FAM178B: variants seen among roughly 807,000 people sequenced by gnomAD.
FAM178B encodes the protein protein FAM178B.
FAM178B carries 82 observed loss-of-function variants against 91.7 expected under a neutral mutation model. The observed-to-expected ratio is 0.89, with a 90% CI of 0.75 to 1.07. The LOEUF (loss-of-function observed/expected upper bound fraction) is 1.07, where lower values mean the gene tolerates loss of function less well. FAM178B is among the 50% of genes least tolerant of loss of function. FAM178B has a pLI of 0.00. For synonymous variants in FAM178B, 368 were observed against 359.4 expected, an observed-to-expected ratio of 1.02 and a Z score of -0.27; for missense variants, 769 against 846.7, an observed-to-expected ratio of 0.91 and a Z score of 1.14.
At chr2:96,910,259 G>A (rs1276974021) in intron 12 of FAM178B, among the ~76,000 whole-genome samples, 7 of 151,954 alleles carry the variant, frequency 4.6e-5, no homozygotes, top group South Asian at 4.2e-4. Flanking sequence ...GAAGCCCTCC[G>A]CCTCCAAAAG....
chr2:96,903,285 C>T (rs2080969584), intron 12 of FAM178B, among the ~76,000 whole-genome samples: 1 of 152,224 alleles, frequency 6.6e-6, no homozygotes, highest in Non-Finnish European at 1.5e-5. Flanking sequence ...GTGATCCGCT[C>T]GCTTCAGCCT....
chr2:96,944,111 C>G (rs1183778760), intron 8 of FAM178B, among the ~76,000 whole-genome samples: 1 of 151,948 alleles, frequency 6.6e-6, no homozygotes, highest in Non-Finnish European at 1.5e-5. Context: ...GGTGTGGTAG[C>G]GGTGCCTGTA....
intron 14 of FAM178B, among the ~76,000 whole-genome samples, chr2:96,879,209 G>A (rs2080318805): frequency 1.3e-5 from 2 of 152,208 alleles, no homozygotes; most frequent in Non-Finnish European, 1.5e-5. Context: ...ATTCCCAACT[G>A]CTGCCCGCAG....
intron 12 of FAM178B, among the ~76,000 whole-genome samples, chr2:96,916,374 G>A (rs962324841): frequency 2.6e-5 from 4 of 152,204 alleles, no homozygotes; most frequent in African/African-American, 4.8e-5. Context: ...GCCGTTTTAC[G>A]CAGGCTTTGT....
chr2:96,960,432 A>C lies in FAM178B; in HGVS notation c.743T>G (p.Val248Gly), dbSNP rs772596939. 6 of 1,542,556 alleles carry C rather than the reference A, an allele frequency of 3.9e-6. No homozygotes were observed. In the Middle Eastern group the frequency reaches 5.0e-4, roughly 130 times the overall value. ...CTGCAGGGACACTGAGTACTTTTCC[A>C]CCAGCATCCTGGCAAGGCAAGGGGC... is the stretch of plus-strand genomic sequence containing the variant. Reference protein sequence around the residue: ...VPLTPEHRMLVEKYSVSLQTI... With the variant: ...VPLTPEHRMLGEKYSVSLQTI... Residue 248 changes from valine to glycine, a missense_variant, in exon 6 of 17, where the codon GTG becomes GGG. Physicochemically the swap from Val to Gly is moderately radical, Grantham distance 109. Transcript: ENST00000490605.
chr2:96,946,481 GCCAGT>G lies in FAM178B; in HGVS notation c.1078+1332_1078+1336del, dbSNP rs535924583. On this transcript the variant is annotated intron_variant, in intron 8 of 16. Coordinates refer to ENST00000490605, the MANE Select transcript of FAM178B (RefSeq NM_001122646.3). ...CGACCCCAGGCATGGAATTCTGTAG[GCCAGT>G]CCCTGGTCCCCTGGGCAGGGAAACA... Among the ~76,000 whole-genome samples the G allele has an allele frequency of 3.9e-3, 596 of 152,324 alleles. 3 individuals are homozygous for G. The highest frequency in any genetic ancestry group is 7.1e-3 in the Non-Finnish European group (480 of 68,030).
intron 6 of FAM178B, among the ~76,000 whole-genome samples, chr2:96,957,034 G>A (rs1219688873): frequency 6.9e-6 from 1 of 145,112 alleles, no homozygotes; most frequent in Non-Finnish European, 1.5e-5. Context: ...TTTTTTTTTT[G>A]CATTTTTTTG....
At position 96,876,284 on chromosome 2, in the gene FAM178B, C is replaced by CT; in HGVS notation, c.2031dup (p.Asp678ArgfsTer39). 1 of 1,608,044 alleles carries CT rather than the reference C, an allele frequency of 6.2e-7. No individual in the cohort carries two copies. The highest frequency in any genetic ancestry group is 8.5e-7 in the Non-Finnish European group (1 of 1,178,134). ...GCCCTGACCCTGTCCCTTTAGATGT[C>CT]TTTCCAGGGGCTGAAATACTGGGCC... On this transcript the variant is annotated frameshift_variant, in exon 17 of 17. Transcript: ENST00000490605. LOFTEE classifies it high-confidence loss of function.
chr2:96,894,842 T>C (rs1574205910), intron 13 of FAM178B, among the ~76,000 whole-genome samples: 1 of 20,882 alleles, frequency 4.8e-5, no homozygotes, highest in Non-Finnish European at 8.6e-5. Context: ...CCCCACCCAC[T>C]CATCCCCCCA....
chr2:96,925,212 A>T (rs2081416846), intron 9 of FAM178B, among the ~76,000 whole-genome samples: 1 of 152,154 alleles, frequency 6.6e-6, no homozygotes, highest in African/African-American at 2.4e-5. Flanking sequence ...AGTCGACTAC[A>T]AACATCTGCA....
intron 12 of FAM178B, among the ~76,000 whole-genome samples, chr2:96,908,941 G>A (rs1051964479): frequency 3.3e-5 from 5 of 151,922 alleles, no homozygotes; most frequent in East Asian, 1.9e-4. Context: ...AGGTCAGTTC[G>A]AGACCAGTCT....
At chr2:96,896,146 G>C (rs539893698) in intron 13 of FAM178B, among the ~76,000 whole-genome samples, 1 of 152,342 alleles carries the variant, frequency 6.6e-6, no homozygotes, top group South Asian at 2.1e-4. Flanking sequence ...CACCCCCAGC[G>C]TGGCCTTTGG....
chr2:96,941,727 GA>G (rs1433857290), intron 8 of FAM178B, among the ~76,000 whole-genome samples: 4 of 152,150 alleles, frequency 2.6e-5, no homozygotes, highest in Non-Finnish European at 4.4e-5. Flanking sequence ...AACAGAGAAT[GA>G]AATGGGTAGG....
At chr2:96,894,171 GAC>G in intron 13 of FAM178B, 120 bp from the exon 14 acceptor site, 1 of 1,142,082 alleles carries the variant, frequency 8.8e-7, no homozygotes, top group Non-Finnish European at 1.2e-6. Context: ...TGGCTTCTGA[GAC>G]ACAGACCCAC....
At chr2:96,886,841 C>T (rs1206825577) in intron 14 of FAM178B, among the ~76,000 whole-genome samples, 1 of 152,190 alleles carries the variant, frequency 6.6e-6, no homozygotes, top group Admixed American at 6.5e-5. Context: ...CTTCTGGGCT[C>T]AAGCCATCCT....
chr2:96,918,512 G>A (rs536880927), intron 12 of FAM178B, among the ~76,000 whole-genome samples: 1 of 152,350 alleles, frequency 6.6e-6, no homozygotes, highest in Admixed American at 6.5e-5. Context: ...GGAATATGTA[G>A]TATTAATGAG....
chr2:96,986,519 A>C lies in FAM178B; in HGVS notation c.-206T>G, dbSNP rs1192772866. 9.6e-6 allele frequency: 6 copies of C among 623,882 alleles called. No homozygotes were observed. The highest frequency in any genetic ancestry group is 1.6e-5 in the Non-Finnish European group (6 of 377,436). 38.6% of individuals were successfully genotyped at this position (623,882 alleles called of 1,614,324 possible). On this transcript the variant is annotated 5_prime_UTR_variant, in exon 1 of 17. Transcript: ENST00000490605. ...GTTCTGGGGATTGAGTTCCGACTCCAAACCAAGCGGCCAGCTCACAGCCGC... is the reference window on the plus strand; with the variant it reads ...GTTCTGGGGATTGAGTTCCGACTCCCAACCAAGCGGCCAGCTCACAGCCGC...
chr2:96,983,785 T>C (rs1327431690), intron 1 of FAM178B, among the ~76,000 whole-genome samples: 2 of 152,214 alleles, frequency 1.3e-5, no homozygotes, highest in Non-Finnish European at 2.9e-5. Context: ...GTGAAAATCA[T>C]CCACGAACTA....
chr2:96,945,947 C>CT (rs2081820363), intron 8 of FAM178B, among the ~76,000 whole-genome samples: 1 of 152,184 alleles, frequency 6.6e-6, no homozygotes, highest in Admixed American at 6.5e-5. Context: ...TCTCCGAACT[C>CT]TTTTTTCTTG....
Sources: allele counts gnomAD v4.1 joint callset (sites outside exome capture counted in the v4.1 genomes callset), GRCh38; gene constraint gnomAD v4.1.1; transcripts MANE v1.5; gene names NCBI Gene and HGNC (gene_info 2026-07-23, HGNC 2026-07-21).